Variants in ZRANB3 observed in about 807,000 individuals in gnomAD.
ZRANB3 encodes the protein zinc finger RANBP2-type containing 3.
Under a neutral mutation model 133.8 loss-of-function variants are expected in ZRANB3, and 125 were observed. The observed-to-expected ratio is 0.93, with a 90% CI of 0.81 to 1.08. The LOEUF is 1.08. ZRANB3 is among the 50% of genes least tolerant of loss of function. The probability of loss-of-function intolerance (pLI) is 0.00; values close to 1 mark genes in which losing one functional copy is unlikely to be tolerated. For synonymous variants in ZRANB3, 387 were observed against 432.7 expected, an observed-to-expected ratio of 0.89 and a Z score of 1.31; for missense variants, 1,229 against 1,275.5, an observed-to-expected ratio of 0.96 and a Z score of 0.56.
intron 1 of ZRANB3, among the ~76,000 whole-genome samples, chr2:135,505,071 C>T (rs1370066048): frequency 2.0e-5 from 3 of 152,018 alleles, no homozygotes; most frequent in Non-Finnish European, 4.4e-5. Flanking sequence ...CAGTATAGCA[C>T]TTTGCCTGAT....
At chr2:135,469,998 C>T (rs192411051) in intron 2 of ZRANB3, among the ~76,000 whole-genome samples, 409 of 132,002 alleles carry the variant, frequency 3.1e-3, no homozygotes, top group Middle Eastern at 5.0e-3. Context: ...GGTGACAGAG[C>T]GAGACTCTTA....
intron 14 of ZRANB3, among the ~76,000 whole-genome samples, chr2:135,225,109 A>C (rs1361545029): frequency 6.6e-6 from 1 of 152,210 alleles, no homozygotes; most frequent in Non-Finnish European, 1.5e-5. Flanking sequence ...AATTATAGTT[A>C]ACATTTAGTG....
chr2:135,275,520 T>C (rs1215512452), intron 9 of ZRANB3, 116 bp downstream of exon 9: 1 of 747,204 alleles, frequency 1.3e-6, no homozygotes, highest in Non-Finnish European at 1.9e-6. Context: ...TGTGATAATT[T>C]ATATACCATC....
chr2:135,505,912 G>T (rs1693161137), intron 1 of ZRANB3, among the ~76,000 whole-genome samples: 1 of 152,188 alleles, frequency 6.6e-6, no homozygotes, highest in Non-Finnish European at 1.5e-5. Flanking sequence ...ATTTAAGAGA[G>T]TACTGGTCAC....
chr2:135,322,353 T>G (rs957876832), intron 6 of ZRANB3, among the ~76,000 whole-genome samples: 5 of 152,196 alleles, frequency 3.3e-5, no homozygotes, highest in Non-Finnish European at 7.4e-5. Context: ...AATGTCAATT[T>G]CTACAAAATC....
chr2:135,457,642 A>G (rs1196100114), intron 2 of ZRANB3, among the ~76,000 whole-genome samples: 1 of 152,088 alleles, frequency 6.6e-6, no homozygotes, highest in Non-Finnish European at 1.5e-5. Context: ...AGTTGTTTAT[A>G]TATCCTTGAT....
intron 3 of ZRANB3, among the ~76,000 whole-genome samples, chr2:135,390,159 G>C (rs981835805): frequency 6.6e-6 from 1 of 152,072 alleles, no homozygotes; most frequent in Non-Finnish European, 1.5e-5. Context: ...GATTACAGGC[G>C]TGAGCCACTG....
rs1037490409 is a variant in ZRANB3 at position 135,460,092 on chromosome 2, A to G, written c.161+44237T>C. 3.2e-4 allele frequency among the ~76,000 whole-genome samples: 48 copies of G among 152,090 alleles called. 1 individual carries two copies. The highest frequency in any genetic ancestry group is 7.4e-5 in the Non-Finnish European group (5 of 68,008). On this transcript the variant is annotated intron_variant, in intron 2 of 20. Transcript: ENST00000264159. ...AATGGGGCAGGGGTAGGGGGTGTGGAAAGAGGGTCAGGATGTGCGAAATTT... is the reference window on the plus strand; with the variant it reads ...AATGGGGCAGGGGTAGGGGGTGTGGGAAGAGGGTCAGGATGTGCGAAATTT...
At chr2:135,492,897 G>GAAACAAACAGGAAATA (rs1692455326) in intron 2 of ZRANB3, among the ~76,000 whole-genome samples, 2 of 151,458 alleles carry the variant, frequency 1.3e-5, no homozygotes, top group African/African-American at 4.8e-5. Flanking sequence ...ATAGAAAAAG[G>GAAACAAACAGGAAATA]GATCCAGTGG....
chr2:135,311,708 G>A (rs1033423125), intron 8 of ZRANB3, among the ~76,000 whole-genome samples: 1 of 152,042 alleles, frequency 6.6e-6, no homozygotes, highest in Non-Finnish European at 1.5e-5. Context: ...TATGATTGTG[G>A]CACTGCACTT....
intron 1 of ZRANB3, among the ~76,000 whole-genome samples, chr2:135,512,779 C>T (rs567846788): frequency 1.3e-5 from 2 of 151,324 alleles, no homozygotes; most frequent in Non-Finnish European, 2.9e-5. Context: ...AAAAATTTAG[C>T]CTCAAAATAT....
intron 2 of ZRANB3, among the ~76,000 whole-genome samples, chr2:135,396,910 T>C (rs1687518101): frequency 6.6e-6 from 1 of 151,940 alleles, no homozygotes. Context: ...ATGTACCCCA[T>C]AAATATATAC....
chr2:135,365,873 C>T (rs1431959001), intron 3 of ZRANB3, among the ~76,000 whole-genome samples: 5 of 152,102 alleles, frequency 3.3e-5, no homozygotes, highest in African/African-American at 9.7e-5. Flanking sequence ...ATAAAGAACC[C>T]TGTATTGAAA....
At chr2:135,408,538 C>T (rs1387008913) in intron 2 of ZRANB3, among the ~76,000 whole-genome samples, 6 of 152,208 alleles carry the variant, frequency 3.9e-5, no homozygotes, top group East Asian at 1.9e-4. Flanking sequence ...ATGTTTATTG[C>T]GGCACTATTC....
chr2:135,311,496 G>C (rs1381518862), intron 8 of ZRANB3, among the ~76,000 whole-genome samples: 1 of 151,528 alleles, frequency 6.6e-6, no homozygotes, highest in Non-Finnish European at 1.5e-5. Flanking sequence ...ACTACACAAA[G>C]GCCTGTACAT....
At chr2:135,501,590 A>G (rs924503435) in intron 2 of ZRANB3, among the ~76,000 whole-genome samples, 5 of 152,112 alleles carry the variant, frequency 3.3e-5, no homozygotes. Context: ...CTTTTTGCTG[A>G]TCCAGGATCT....
intron 8 of ZRANB3, among the ~76,000 whole-genome samples, chr2:135,302,175 A>G (rs1170635223): frequency 4.6e-5 from 7 of 152,228 alleles, no homozygotes; most frequent in African/African-American, 1.4e-4. Flanking sequence ...CACAGTTACT[A>G]TAGACTCTAC....
chr2:135,378,697 T>G (rs550590490), intron 3 of ZRANB3, among the ~76,000 whole-genome samples: 1 of 152,318 alleles, frequency 6.6e-6, no homozygotes, highest in Admixed American at 6.5e-5. Flanking sequence ...ATAGTATGCA[T>G]ACTTTGTATG....
chr2:135,239,288 C>T (rs1695443087), intron 12 of ZRANB3, among the ~76,000 whole-genome samples: 1 of 151,930 alleles, frequency 6.6e-6, no homozygotes, highest in African/African-American at 2.4e-5. Flanking sequence ...ATTATAGACT[C>T]TCTGGGGTAA....
Sources: gnomAD v4.1 joint callset for allele counts (sites outside exome capture counted in the v4.1 genomes callset) on GRCh38, gnomAD v4.1.1 for gene constraint, MANE v1.5 for transcripts, NCBI Gene and HGNC (gene_info 2026-07-23, HGNC 2026-07-21) for gene names.